Variants in CA10 observed in about 807,000 individuals in gnomAD.
CA10 encodes the protein carbonic anhydrase-related protein 10.
A neutral mutation model predicts 44.2 loss-of-function variants in CA10; 14 were observed. The observed-to-expected ratio is 0.32, with a 90% CI of 0.21 to 0.50. CA10 has a LOEUF of 0.50. Ranked by LOEUF, CA10 falls within the 20% of genes least tolerant of loss-of-function variation. The probability of loss-of-function intolerance (pLI) is 0.99; values close to 1 mark genes in which losing one functional copy is unlikely to be tolerated. For synonymous variants in CA10, 159 were observed against 141.6 expected (o/e 1.12, Z -0.87); for missense variants, 350 against 409.7 (o/e 0.85, Z 1.26).
In CA10 at chr17:51,810,189, T is replaced by A. The variant is rs1907303650; in HGVS notation, c.280-62371A>T. Among the ~76,000 whole-genome samples the A allele has an allele frequency of 2.6e-5, 4 of 152,346 alleles. No individual in the cohort carries two copies. In the South Asian group the frequency reaches 8.3e-4, roughly 32 times the overall value. ...GTTATGTTTCTCAGTTTGTCACTTTTAAACAAAAGTGATTGCTTATCTCTT... is the reference window on the plus strand; with the variant it reads ...GTTATGTTTCTCAGTTTGTCACTTTAAAACAAAAGTGATTGCTTATCTCTT... On this transcript the variant is annotated intron_variant, in intron 3 of 8. Transcript: ENST00000451037.
At chr17:51,894,434 C>T (rs1980985987) in intron 3 of CA10, among the ~76,000 whole-genome samples, 2 of 152,078 alleles carry the variant, frequency 1.3e-5, no homozygotes, top group Admixed American at 1.3e-4. Flanking sequence ...CCATAATGGG[C>T]TACTAAAGGA....
chr17:51,951,666 C>T (rs1239832988), intron 2 of CA10, among the ~76,000 whole-genome samples: 2 of 152,118 alleles, frequency 1.3e-5, no homozygotes, highest in East Asian at 1.9e-4. Flanking sequence ...TTAAACATGC[C>T]CATTACTTTA....
chr17:51,709,508 T>C (rs1310082839), intron 4 of CA10, among the ~76,000 whole-genome samples: 1 of 152,196 alleles, frequency 6.6e-6, no homozygotes, highest in Non-Finnish European at 1.5e-5. Context: ...AGTGCATTCA[T>C]ATCACCTGGG....
chr17:51,781,398 G>A (rs561098899), intron 3 of CA10, among the ~76,000 whole-genome samples: 18 of 152,250 alleles, frequency 1.2e-4, no homozygotes, highest in East Asian at 1.9e-4. Context: ...TCATGAGTTC[G>A]GAAATAGGCT....
chr17:52,007,700 T>C (rs1985648969), intron 2 of CA10, among the ~76,000 whole-genome samples: 1 of 151,504 alleles, frequency 6.6e-6, no homozygotes, highest in Admixed American at 6.6e-5. Context: ...TACTTTTTTT[T>C]CCTCTTCTGT....
chr17:51,773,141 AAG>A (rs1045837456), intron 3 of CA10, among the ~76,000 whole-genome samples: 3 of 152,196 alleles, frequency 2.0e-5, no homozygotes, highest in Non-Finnish European at 4.4e-5. Context: ...CCTAGTAGAG[AAG>A]AGAGATTCTA....
intron 1 of CA10, among the ~76,000 whole-genome samples, chr17:52,088,673 C>T (rs980081725): frequency 1.1e-4 from 16 of 152,148 alleles, no homozygotes; most frequent in Admixed American, 1.0e-3. Flanking sequence ...AAGGAAAATG[C>T]ACTTCAAAAT....
At chr17:52,021,427 A>T (rs1007613584) in intron 2 of CA10, among the ~76,000 whole-genome samples, 1 of 152,032 alleles carries the variant, frequency 6.6e-6, no homozygotes, top group African/African-American at 2.4e-5. Flanking sequence ...ATTCCCACCA[A>T]CAGTGTATAA....
rs781750557 is a variant in CA10, at chr17:51,759,054, TTTACCTGGG to T, written c.280-11245_280-11237del. ...GTTTCTGGTTTAGTTCTCCAATTCC[TTTACCTGGG>T]TTAAAATTCGGCTTTAAACCTTAGC... On this transcript the variant is annotated intron_variant, in intron 3 of 8. Transcript: ENST00000451037. Among the ~76,000 whole-genome samples the T allele has an allele frequency of 1.9e-3, 282 of 152,322 alleles. 2 individuals carry two copies. The highest frequency in any genetic ancestry group is 3.2e-3 in the Non-Finnish European group (220 of 68,030).
intron 4 of CA10, among the ~76,000 whole-genome samples, chr17:51,702,443 G>A (rs940593171): frequency 3.9e-5 from 6 of 152,104 alleles, no homozygotes; most frequent in South Asian, 4.2e-4. Context: ...CTGGTGACAG[G>A]TCATTCTTAT....
intron 2 of CA10, among the ~76,000 whole-genome samples, chr17:51,940,478 C>T (rs945616450): frequency 2.0e-5 from 3 of 152,056 alleles, no homozygotes; most frequent in African/African-American, 7.2e-5. Flanking sequence ...GGTTATCTGG[C>T]TCCTCCTCAT....
chr17:51,700,813 AG>A (rs1325331560), intron 4 of CA10, among the ~76,000 whole-genome samples: 1 of 152,164 alleles, frequency 6.6e-6, no homozygotes, highest in African/African-American at 2.4e-5. Flanking sequence ...AAACTAACAC[AG>A]GAACAGAAAA....
intron 4 of CA10, among the ~76,000 whole-genome samples, chr17:51,656,365 C>G (rs1267494117): frequency 1.3e-5 from 2 of 152,160 alleles, no homozygotes; most frequent in African/African-American, 4.8e-5. Flanking sequence ...AAGGAGCTGG[C>G]AAGTACAGGG....
chr17:52,064,514 G>A (rs1418423980), intron 2 of CA10, among the ~76,000 whole-genome samples: 4 of 151,972 alleles, frequency 2.6e-5, no homozygotes, highest in Admixed American at 2.6e-4. Context: ...TTCTTTCCTG[G>A]GAGTACTGTG....
At chr17:51,664,426 C>A (rs1914135746) in intron 4 of CA10, among the ~76,000 whole-genome samples, 2 of 151,686 alleles carry the variant, frequency 1.3e-5, no homozygotes, top group African/African-American at 4.8e-5. Flanking sequence ...TGTGATCTAG[C>A]ACATCAATTG....
intron 3 of CA10, among the ~76,000 whole-genome samples, chr17:51,874,554 A>G (rs1979966075): frequency 6.6e-6 from 1 of 152,186 alleles, no homozygotes; most frequent in Non-Finnish European, 1.5e-5. Context: ...CACATGCACC[A>G]GGAAAGGCAT....
chr17:51,987,604 T>C (rs1416194930), intron 2 of CA10, among the ~76,000 whole-genome samples: 1 of 151,970 alleles, frequency 6.6e-6, no homozygotes, highest in African/African-American at 2.4e-5. Context: ...ATTCAACAAA[T>C]ATTTATTCAG....
intron 1 of CA10, among the ~76,000 whole-genome samples, chr17:52,105,835 T>G (rs757255677): frequency 8.5e-5 from 13 of 152,184 alleles, no homozygotes; most frequent in Non-Finnish European, 1.9e-4. Flanking sequence ...TTGGGCTACT[T>G]AACACCTTTG....
rs1302770602 is a variant in CA10, at chr17:51,874,950, GT to G, written c.279+56039del. 1.2e-3 allele frequency among the ~76,000 whole-genome samples: 7 copies of G among 5,954 alleles called. No individual in the cohort carries two copies. The East Asian group carries it at 0.042, about 36-fold the overall frequency. The allele number at this position is 5,954 out of a possible 152,430, so 3.9% of individuals were successfully genotyped here. ...TGAGTAAGGAAGATGTTTTTCTTCT[GT>G]TTTTTTTTCTTTTTTTTCTTTTCTT... is the stretch of plus-strand genomic sequence containing the variant. On this transcript the variant is annotated intron_variant, in intron 3 of 8. Transcript: ENST00000451037.
Sources: gnomAD v4.1 joint callset for allele counts (sites outside exome capture counted in the v4.1 genomes callset) on GRCh38, gnomAD v4.1.1 for gene constraint, MANE v1.5 for transcripts, NCBI Gene and HGNC (gene_info 2026-07-23, HGNC 2026-07-21) for gene names.